PRIM2: variants seen among roughly 807,000 people sequenced by gnomAD.
The protein encoded by PRIM2 is DNA primase large subunit.
A neutral mutation model predicts 67.3 loss-of-function variants in PRIM2; 39 were observed. The ratio of observed to expected loss-of-function variants is 0.58; its 90% CI spans 0.45 to 0.76. The LOEUF (loss-of-function observed/expected upper bound fraction) is 0.76. Among genes scored for constraint, PRIM2 ranks in the 30% least tolerant of loss-of-function variants. The probability of loss-of-function intolerance (pLI) is 0.00; values close to 1 mark genes in which losing one functional copy is unlikely to be tolerated. For missense variants in PRIM2, 398 were observed against 598.7 expected, an observed-to-expected ratio of 0.66 and a Z score of 3.50; for synonymous variants, 143 against 198.7, an observed-to-expected ratio of 0.72 and a Z score of 2.36.
At chr6:57,284,122 G>T in the PRIM2 span, among the ~76,000 whole-genome samples, 1 of 152,066 alleles carries the variant, frequency 6.6e-6, no homozygotes, top group Non-Finnish European at 1.5e-5. Context: ...AAGATAAAAA[G>T]AACATAGAGC....
At chr6:57,252,428 CA>C in the PRIM2 span, among the ~76,000 whole-genome samples, 1 of 152,138 alleles carries the variant, frequency 6.6e-6, no homozygotes, top group African/African-American at 2.4e-5. Flanking sequence ...CTTGAGTTTC[CA>C]AGCTCTTGCC....
At chr6:57,496,132 A>G (rs1773999206) in intron 7 of PRIM2, among the ~76,000 whole-genome samples, 1 of 152,166 alleles carries the variant, frequency 6.6e-6, no homozygotes, top group Non-Finnish European at 1.5e-5. Flanking sequence ...ATGATAGTGT[A>G]TATTTACATA....
chr6:57,336,435 A>G (rs1768250305), intron 5 of PRIM2, among the ~76,000 whole-genome samples: 1 of 152,234 alleles, frequency 6.6e-6, no homozygotes, highest in African/African-American at 2.4e-5. Context: ...AAATGAAGGA[A>G]ACAATGTTAA....
chr6:57,376,210 C>T (rs1769758852), intron 5 of PRIM2, among the ~76,000 whole-genome samples: 3 of 152,132 alleles, frequency 2.0e-5, no homozygotes, highest in South Asian at 2.1e-4. Flanking sequence ...ATGGGGGTCT[C>T]ACTTAGTCGC....
At chr6:57,593,904 C>T (rs1490254370) in intron 10 of PRIM2, among the ~76,000 whole-genome samples, 1 of 152,140 alleles carries the variant, frequency 6.6e-6, no homozygotes, top group African/African-American at 2.4e-5. Flanking sequence ...GAAGTTAATA[C>T]TTTTAGCTTT....
chr6:57,337,283 C>A (rs1233542578), intron 5 of PRIM2, among the ~76,000 whole-genome samples: 1 of 152,136 alleles, frequency 6.6e-6, no homozygotes, highest in African/African-American at 2.4e-5. Flanking sequence ...ACCCCACTGT[C>A]AACATTAGAC....
intron 7 of PRIM2, among the ~76,000 whole-genome samples, chr6:57,489,499 T>TAG (rs1773834270): frequency 7.0e-6 from 1 of 142,644 alleles, no homozygotes; most frequent in East Asian, 2.0e-4. Context: ...GGAGCTTGCA[T>TAG]TGAGCCGAGA....
At chr6:57,425,025 A>G (rs1185944737) in intron 7 of PRIM2, among the ~76,000 whole-genome samples, 1 of 152,196 alleles carries the variant, frequency 6.6e-6, no homozygotes, top group Non-Finnish European at 1.5e-5. Flanking sequence ...ACATGTATAC[A>G]CATATATTTT....
At chr6:57,413,689 G>A (rs7761238) in intron 7 of PRIM2, among the ~76,000 whole-genome samples, 4,958 of 152,120 alleles carry the variant, frequency 0.033, 264 homozygotes, top group African/African-American at 0.11. Context: ...ACTTAAGAAC[G>A]TAAGTAACTT....
intron 10 of PRIM2, among the ~76,000 whole-genome samples, chr6:57,596,257 T>A (rs1182785223): frequency 7.9e-5 from 12 of 151,326 alleles, no homozygotes; most frequent in African/African-American, 2.9e-4. Flanking sequence ...ATCTGGTATA[T>A]CCATACAGTA....
intron 7 of PRIM2, among the ~76,000 whole-genome samples, chr6:57,448,942 GGTGT>G (rs1772445193): frequency 6.6e-6 from 1 of 152,016 alleles, no homozygotes; most frequent in African/African-American, 2.4e-5. Flanking sequence ...GATGTAAGGA[GGTGT>G]GTCTGACCTC....
At chr6:57,318,391 A>C in intron 1 of PRIM2, 46 bp from the exon 2 acceptor site, 2 of 1,504,784 alleles carry the variant, frequency 1.3e-6, no homozygotes, top group East Asian at 2.3e-5. Flanking sequence ...TTTTCCCCCA[A>C]CTTTGTTTTC....
intron 8 of PRIM2, among the ~76,000 whole-genome samples, 154 bp downstream of exon 8, chr6:57,507,608 T>C (rs1774277123): frequency 2.0e-5 from 3 of 152,220 alleles, no homozygotes. Context: ...CTTAATACCA[T>C]GTACTTGTTA....
intron 5 of PRIM2, among the ~76,000 whole-genome samples, chr6:57,342,612 A>G (rs1161120180): frequency 6.6e-6 from 1 of 152,194 alleles, no homozygotes; most frequent in African/African-American, 2.4e-5. Flanking sequence ...CAGTGGGTCT[A>G]ATGGTAGGAT....
At chr6:57,633,539 A>G (rs1450340051) in intron 13 of PRIM2, among the ~76,000 whole-genome samples, 3 of 152,184 alleles carry the variant, frequency 2.0e-5, no homozygotes, top group South Asian at 2.1e-4. Flanking sequence ...AAGATATTTT[A>G]TAATATTACC....
intron 7 of PRIM2, among the ~76,000 whole-genome samples, chr6:57,418,381 T>TGG (rs1231631980): frequency 1.8e-4 from 13 of 73,994 alleles, no homozygotes; most frequent in Admixed American, 3.4e-4. Flanking sequence ...CCTATGTGTG[T>TGG]GGTTTTTTTT....
intron 7 of PRIM2, chr6:57,382,396 C>A: frequency 2.8e-6 from 1 of 363,460 alleles, no homozygotes. Context: ...AATACCAATG[C>A]TGAGTGATTA....
intron 13 of PRIM2, among the ~76,000 whole-genome samples, chr6:57,640,947 A>AC (rs1777221503): frequency 6.6e-6 from 1 of 151,542 alleles, no homozygotes. Flanking sequence ...AAAACAAAAA[A>AC]AAAACAACGC....
At chr6:57,514,273 A>G (rs1214606102) in intron 8 of PRIM2, among the ~76,000 whole-genome samples, 1 of 152,206 alleles carries the variant, frequency 6.6e-6, no homozygotes, top group Non-Finnish European at 1.5e-5. Context: ...TTTTCTTACT[A>G]TCCAAAGTGG....
Sources: gnomAD v4.1 joint callset for allele counts (sites outside exome capture counted in the v4.1 genomes callset) on GRCh38, gnomAD v4.1.1 for gene constraint, MANE v1.5 for transcripts, NCBI Gene and HGNC (gene_info 2026-07-23, HGNC 2026-07-21) for gene names.